Variants in INPP4A observed in about 807,000 individuals in gnomAD.
The protein encoded by INPP4A is inositol polyphosphate-4-phosphatase type I A, also known as inositol polyphosphate-4-phosphatase, type I, 107kD.
In INPP4A, 33 loss-of-function variants were observed where a neutral mutation model predicts 119.8. The ratio of observed to expected loss-of-function variants is 0.28; its 90% CI spans 0.21 to 0.37. The LOEUF is 0.37. Among genes scored for constraint, INPP4A ranks in the 10% least tolerant of loss-of-function variants. The probability of loss-of-function intolerance (pLI) is 1.00; values close to 1 mark genes in which losing one functional copy is unlikely to be tolerated. For synonymous variants in INPP4A, 496 were observed against 500.7 expected (o/e 0.99, Z 0.12); for missense variants, 956 against 1,289.9 (o/e 0.74, Z 3.97).
At chr2:98,488,447 C>T (rs1679993618) in intron 1 of INPP4A, among the ~76,000 whole-genome samples, 1 of 152,180 alleles carries the variant, frequency 6.6e-6, no homozygotes, top group African/African-American at 2.4e-5. Context: ...TGGGCTTTAC[C>T]CACACAGTTT....
rs187162086 is a variant in INPP4A, at chr2:98,471,940, A to T, written c.-166+26855A>T. The stretch of plus-strand genomic sequence containing the variant: ...TTGGATGACTTTGAAAAGCTCTGGG[A>T]GTTGCCATTGACTGTGATGTTGATG... On this transcript the variant is annotated intron_variant, in intron 1 of 24. Transcript: ENST00000409851. 4.0e-4 allele frequency among the ~76,000 whole-genome samples: 61 copies of T among 152,258 alleles called. 1 individual carries two copies. Among genetic ancestry groups the T allele is most frequent in the Admixed American group, 4.0e-3 (61 of 15,302 alleles).
chr2:98,488,935 C>CTGTGTG lies in INPP4A; in HGVS notation c.-165-29985_-165-29980dup, dbSNP rs55758146. 5.0e-3 allele frequency among the ~76,000 whole-genome samples: 629 copies of CTGTGTG among 126,114 alleles called. 5 individuals are homozygous for CTGTGTG. Among genetic ancestry groups the CTGTGTG allele is most frequent in the African/African-American group, 8.0e-3 (267 of 33,490 alleles). 82.7% of individuals were successfully genotyped at this position (126,114 alleles called of 152,430 possible). On this transcript the variant is annotated intron_variant, in intron 1 of 24. Transcript: ENST00000409851. The stretch of plus-strand genomic sequence containing the variant: ...GGATTCTTGCTTTTGAGTACATGCA[C>CTGTGTG]TGTGTGTGTGTGTGTGTGTGTGTGT...
chr2:98,472,325 G>C (rs530386904), intron 1 of INPP4A, among the ~76,000 whole-genome samples: 4 of 152,332 alleles, frequency 2.6e-5, no homozygotes, highest in South Asian at 2.1e-4. Flanking sequence ...CAGAGCAGAA[G>C]AGTCTGTGCT....
intron 9 of INPP4A, 133 bp downstream of exon 9, chr2:98,539,114 A>G (rs564099025): frequency 3.5e-5 from 20 of 567,310 alleles, no homozygotes; most frequent in African/African-American, 3.4e-4. Context: ...GCTGCTTATC[A>G]TTGTGTTCTT....
At chr2:98,532,296 A>G (rs1027891711) in intron 4 of INPP4A, among the ~76,000 whole-genome samples, 4 of 151,162 alleles carry the variant, frequency 2.6e-5, no homozygotes, top group African/African-American at 7.3e-5. Flanking sequence ...GTCTTCCTTC[A>G]TCCCATCACT....
chr2:98,505,336 A>G (rs1683841900), intron 1 of INPP4A, among the ~76,000 whole-genome samples: 1 of 152,206 alleles, frequency 6.6e-6, no homozygotes, highest in Non-Finnish European at 1.5e-5. Flanking sequence ...GTTGTGTCTC[A>G]TGAGTGGGCT....
At chr2:98,445,690 A>C (rs1694065771) in intron 1 of INPP4A, among the ~76,000 whole-genome samples, 1 of 152,240 alleles carries the variant, frequency 6.6e-6, no homozygotes, top group South Asian at 2.1e-4. Context: ...AGACGTTCAA[A>C]ATGTCAGAGG....
chr2:98,492,474 G>GTGCT (rs1681019326), intron 1 of INPP4A, among the ~76,000 whole-genome samples: 1 of 152,214 alleles, frequency 6.6e-6, no homozygotes, highest in Admixed American at 6.5e-5. Flanking sequence ...CTCTATTGAT[G>GTGCT]TGCTACCCCT....
intron 1 of INPP4A, among the ~76,000 whole-genome samples, chr2:98,513,364 A>G (rs899493475): frequency 1.3e-5 from 2 of 152,218 alleles, no homozygotes; most frequent in East Asian, 3.8e-4. Flanking sequence ...TCATGGTCAC[A>G]CGCTCTTCTT....
chr2:98,496,548 CT>C (rs1265794620), intron 1 of INPP4A, among the ~76,000 whole-genome samples: 1 of 152,126 alleles, frequency 6.6e-6, no homozygotes, highest in African/African-American at 2.4e-5. Flanking sequence ...TAAAAAGCTT[CT>C]GCACAGCAAA....
At chr2:98,519,288 G>A (rs540919954) in intron 2 of INPP4A, 1 of 152,402 alleles carries the variant, frequency 6.6e-6, no homozygotes, top group South Asian at 2.1e-4. Context: ...AGAGCAGAGT[G>A]TGAGCTCTGG....
chr2:98,560,459 G>A (rs1251042715), intron 17 of INPP4A, among the ~76,000 whole-genome samples: 2 of 152,264 alleles, frequency 1.3e-5, no homozygotes, highest in South Asian at 2.1e-4. Flanking sequence ...ACCCCAGGAC[G>A]CTCTTAGAAG....
chr2:98,549,017 A>G (rs1692997408), intron 13 of INPP4A: 3 of 1,591,070 alleles, frequency 1.9e-6, no homozygotes, highest in South Asian at 1.1e-5. Flanking sequence ...TCTCGTCCTC[A>G]TGCAGAGAAA....
chr2:98,490,538 G>A (rs1223655918), intron 1 of INPP4A, among the ~76,000 whole-genome samples: 4 of 152,162 alleles, frequency 2.6e-5, no homozygotes, highest in African/African-American at 7.2e-5. Flanking sequence ...GGAACCCGGG[G>A]TTTCAGGTGA....
intron 21 of INPP4A, among the ~76,000 whole-genome samples, chr2:98,567,909 C>T (rs1002455305): frequency 8.5e-5 from 13 of 152,178 alleles, no homozygotes; most frequent in South Asian, 4.1e-4. Flanking sequence ...AGCTGATGCT[C>T]GGAAGGCCCC....
At chr2:98,478,170 C>CT (rs1320451624) in intron 1 of INPP4A, among the ~76,000 whole-genome samples, 1 of 152,134 alleles carries the variant, frequency 6.6e-6, no homozygotes, top group Non-Finnish European at 1.5e-5. Context: ...ATAGAGCGCA[C>CT]TTTAATTTGC....
intron 13 of INPP4A, among the ~76,000 whole-genome samples, chr2:98,549,939 TG>T (rs1559055284): frequency 1.3e-5 from 2 of 152,238 alleles, no homozygotes; most frequent in East Asian, 3.9e-4. Flanking sequence ...TTTTCTCTAC[TG>T]GGGACTCTTT....
chr2:98,446,143 T>C (rs552540824), intron 1 of INPP4A, among the ~76,000 whole-genome samples: 1 of 152,372 alleles, frequency 6.6e-6, no homozygotes, highest in South Asian at 2.1e-4. Flanking sequence ...GGTTCTTATC[T>C]CTAAAAGGTG....
In INPP4A at chr2:98,590,343, C is replaced by T. The variant is rs1385777298; in HGVS notation, c.*2735C>T. 2 of 187,570 alleles carry T rather than the reference C, an allele frequency of 1.1e-5. No homozygotes were observed. The highest frequency in any genetic ancestry group is 8.5e-5 in the East Asian group (1 of 11,756). The allele number at this position is 187,570 out of a possible 1,614,324, so 11.6% of individuals were successfully genotyped here. A position where few individuals can be genotyped will look rare whatever the true frequency, so the allele number is the denominator to read the frequency against. On this transcript the variant is annotated 3_prime_UTR_variant, in exon 25 of 25. Transcript: ENST00000409851. ...CTAATTTGAAGCAGAGGGGCAACAG[C>T]GTTGAGGTTAAGAGCACGGACTTTG...
Sources: gnomAD v4.1 joint callset for allele counts (sites outside exome capture counted in the v4.1 genomes callset) on GRCh38, gnomAD v4.1.1 for gene constraint, MANE v1.5 for transcripts, NCBI Gene and HGNC (gene_info 2026-07-23, HGNC 2026-07-21) for gene names.